Variants in ABCB7 observed in about 807,000 individuals in gnomAD.
The protein encoded by ABCB7 is ATP binding cassette subfamily B member 7, also known as iron-sulfur clusters transporter ABCB7, mitochondrial.
ABCB7 carries 7 observed loss-of-function variants against 54.4 expected under a neutral mutation model. The observed-to-expected ratio is 0.13, with a 90% CI of 0.07 to 0.24. The LOEUF (loss-of-function observed/expected upper bound fraction) is 0.24. Ranked by LOEUF, ABCB7 falls within the 10% of genes least tolerant of loss-of-function variation. The pLI is 1.00. For synonymous variants in ABCB7, 218 were observed against 207.1 expected, an observed-to-expected ratio of 1.05 and a Z score of -0.45; for missense variants, 356 against 570.4, an observed-to-expected ratio of 0.62 and a Z score of 3.83.
rs189210071 is a variant in ABCB7, at chrX:75,099,475, G to C, written c.334-414C>G. 2.1e-4 allele frequency among the ~76,000 whole-genome samples: 23 copies of C among 111,050 alleles called. No individual in the cohort carries two copies. In the East Asian group the frequency reaches 6.5e-3, roughly 31 times the overall value. ...TCAGTTTTTTATTTAAAACACTTTG[G>C]AGTCCCAAGTCTAAACTCATGGTAG... On this transcript the variant is annotated intron_variant, in intron 3 of 15. Transcript: ENST00000373394.
intron 3 of ABCB7, among the ~76,000 whole-genome samples, chrX:75,104,394 A>G (rs977464850): frequency 4.6e-5 from 5 of 109,568 alleles, no homozygotes; most frequent in Non-Finnish European, 5.7e-5. Flanking sequence ...ACAAAATATC[A>G]TCGGAGACTA....
rs137955407 is a variant in ABCB7 at position 75,070,149 on chromosome X, C to T, written c.1365+216G>A. On this transcript the variant is annotated intron_variant, in intron 10 of 15. Coordinates refer to ENST00000373394, the MANE Select transcript of ABCB7 (RefSeq NM_001271696.3). ...TCAGCCTCCCAAAATGCTGGGATTA[C>T]AGGAGTGAGCCACCATGCGTGGCCA... Among the ~76,000 whole-genome samples the T allele has an allele frequency of 6.3e-4, 70 of 111,363 alleles. No individual in the cohort carries two copies. The East Asian group carries it at 0.017, about 27-fold the overall frequency.
At chrX:75,115,410 CTTTTTTTTTTTT>C (rs747398607) in intron 1 of ABCB7, among the ~76,000 whole-genome samples, 10 of 30,180 alleles carry the variant, frequency 3.3e-4, no homozygotes, top group African/African-American at 1.3e-3. Flanking sequence ...TGTCTCTTTT[CTTTTTTTTTTTT>C]TTTTTTTTTT....
At chrX:75,145,971 G>GATAAAAAA (rs1396695847) in intron 1 of ABCB7, among the ~76,000 whole-genome samples, 2 of 111,075 alleles carry the variant, frequency 1.8e-5, no homozygotes, top group East Asian at 5.6e-4. Flanking sequence ...AAAATAAAAA[G>GATAAAAAA]ATAAAAAAAT....
chrX:75,076,703 T>C, intron 4 of ABCB7, 49 bp from the exon 5 acceptor site: 1 of 1,134,141 alleles, frequency 8.8e-7, no homozygotes, highest in Non-Finnish European at 1.2e-6. Flanking sequence ...AATACTTATT[T>C]ATAAAAGTAC....
chrX:75,128,310 C>T (rs1487610654), intron 1 of ABCB7, among the ~76,000 whole-genome samples: 4 of 111,390 alleles, frequency 3.6e-5, no homozygotes, highest in African/African-American at 1.3e-4. Flanking sequence ...CTACAACCAT[C>T]TGATCTTTGA....
chrX:75,114,058 T>C (rs909983858), intron 2 of ABCB7, among the ~76,000 whole-genome samples: 10 of 111,884 alleles, frequency 8.9e-5, no homozygotes, highest in Non-Finnish European at 1.7e-4. Context: ...AGTGGTGTCA[T>C]AGACAATAAG....
rs1212405564 is a variant in ABCB7, at chrX:75,051,821, C to T, written c.*1549G>A. On this transcript the variant is annotated 3_prime_UTR_variant, in exon 16 of 16. Transcript: ENST00000373394. Reference sequence around the variant, plus strand: ...TTTTAAATGGACACTGATTTATACACGTGTGAGCATGTGCATACATGCACG... The same window carrying T: ...TTTTAAATGGACACTGATTTATACATGTGTGAGCATGTGCATACATGCACG... 8.9e-6 allele frequency: 1 copy of T among 112,494 alleles called. No individual in the cohort carries two copies. The highest frequency in any genetic ancestry group is 3.2e-5 in the African/African-American group (1 of 30,991). The allele number at this position is 112,494 out of a possible 1,213,427, so 9.3% of individuals were successfully genotyped here. A position where few individuals can be genotyped will look rare whatever the true frequency, so the allele number is the denominator to read the frequency against.
chrX:75,139,839 G>C (rs1408722221), intron 1 of ABCB7, among the ~76,000 whole-genome samples: 1 of 111,627 alleles, frequency 9.0e-6, no homozygotes, highest in Admixed American at 9.6e-5. Flanking sequence ...ATACAGGCTA[G>C]TACAAAAGTT....
intron 1 of ABCB7, among the ~76,000 whole-genome samples, chrX:75,124,328 C>A (rs1041658647): frequency 7.1e-5 from 8 of 111,950 alleles, no homozygotes; most frequent in African/African-American, 2.6e-4. Context: ...AACAGCAAGG[C>A]CTATTTAAAA....
chrX:75,146,870 G>A (rs894514065), intron 1 of ABCB7, among the ~76,000 whole-genome samples: 5 of 111,190 alleles, frequency 4.5e-5, no homozygotes, highest in African/African-American at 1.6e-4. Context: ...ACTGTCAACA[G>A]AGTAAGCAGA....
intron 4 of ABCB7, among the ~76,000 whole-genome samples, chrX:75,081,314 A>G (rs2081453827): frequency 9.0e-6 from 1 of 111,724 alleles, no homozygotes; most frequent in Admixed American, 9.5e-5. Context: ...ATTTATGAAC[A>G]TGCTTGAAAT....
intron 1 of ABCB7, among the ~76,000 whole-genome samples, chrX:75,154,856 A>G (rs762160256): frequency 5.8e-5 from 1 of 17,292 alleles, no homozygotes; most frequent in East Asian, 8.8e-3. Context: ...TAAAGACAGG[A>G]CTTATATTTT....
intron 1 of ABCB7, among the ~76,000 whole-genome samples, chrX:75,143,470 C>G (rs1166279977): frequency 3.6e-5 from 4 of 111,661 alleles, no homozygotes; most frequent in African/African-American, 1.3e-4. Flanking sequence ...TCTGAGCCCT[C>G]CAAACTGTTC....
At chrX:75,112,852 C>G (rs745618979) in intron 3 of ABCB7, 34 bp downstream of exon 3, 1 of 1,087,899 alleles carries the variant, frequency 9.2e-7, no homozygotes, top group South Asian at 1.8e-5. Context: ...GGACAATCAT[C>G]AAGAATTTCC....
At chrX:75,068,196 G>A (rs938079524) in intron 12 of ABCB7, among the ~76,000 whole-genome samples, 1 of 110,882 alleles carries the variant, frequency 9.0e-6, no homozygotes, top group Non-Finnish European at 1.9e-5. Context: ...GGGACATTTT[G>A]CAAGCTACAT....
chrX:75,056,320 C>T (rs772406970), intron 15 of ABCB7, among the ~76,000 whole-genome samples: 1 of 111,944 alleles, frequency 8.9e-6, no homozygotes, highest in African/African-American at 3.2e-5. Context: ...TTACATTTCA[C>T]GTGTTAGTTG....
At chrX:75,068,306 C>T (rs965393574) in intron 12 of ABCB7, among the ~76,000 whole-genome samples, 1 of 111,747 alleles carries the variant, frequency 8.9e-6, no homozygotes, top group Non-Finnish European at 1.9e-5. Context: ...CTTTATAATA[C>T]ATACTAGCTG....
chrX:75,127,515 T>G (rs1231823836), intron 1 of ABCB7, among the ~76,000 whole-genome samples: 2 of 111,806 alleles, frequency 1.8e-5, no homozygotes, highest in East Asian at 5.6e-4. Context: ...ATGGATGCCC[T>G]CTTTCACCAC....
Sources: gnomAD v4.1 joint callset for allele counts (sites outside exome capture counted in the v4.1 genomes callset) on GRCh38, gnomAD v4.1.1 for gene constraint, MANE v1.5 for transcripts, NCBI Gene and HGNC (gene_info 2026-07-23, HGNC 2026-07-21) for gene names.